Variants in DTNA observed in about 807,000 individuals in gnomAD.
DTNA encodes dystrobrevin alpha, also known as dystrophin-related protein 3.
DTNA carries 43 observed loss-of-function variants against 100.7 expected under a neutral mutation model. The ratio of observed to expected loss-of-function variants is 0.43; its 90% CI spans 0.33 to 0.55. The LOEUF is 0.55. DTNA is among the 20% of genes least tolerant of loss of function. DTNA has a pLI of 0.04. For missense variants in DTNA, 798 were observed against 953.9 expected, an observed-to-expected ratio of 0.84 and a Z score of 2.15; for synonymous variants, 349 against 347.9, an observed-to-expected ratio of 1.00 and a Z score of -0.04.
chr18:34,593,103 C>T (rs1204862116), intron 1 of DTNA, among the ~76,000 whole-genome samples: 2 of 152,154 alleles, frequency 1.3e-5, no homozygotes, highest in Non-Finnish European at 1.5e-5. Flanking sequence ...GGCTGATGTT[C>T]AGCTTCCAAG....
At chr18:34,628,281 G>A (rs1056750160) in intron 1 of DTNA, among the ~76,000 whole-genome samples, 3 of 152,204 alleles carry the variant, frequency 2.0e-5, no homozygotes, top group Non-Finnish European at 4.4e-5. Flanking sequence ...ACAGTAAGAA[G>A]TTAGAAGATA....
chr18:34,549,194 G>A (rs569838065), intron 1 of DTNA, among the ~76,000 whole-genome samples: 77 of 151,974 alleles, frequency 5.1e-4, no homozygotes, highest in African/African-American at 1.8e-3. Context: ...TATCTAACTG[G>A]TTTCTGACCC....
intron 13 of DTNA, among the ~76,000 whole-genome samples, chr18:34,844,447 A>G (rs1422309825): frequency 1.3e-5 from 2 of 152,084 alleles, no homozygotes; most frequent in Non-Finnish European, 2.9e-5. Flanking sequence ...TCTTGAGCTC[A>G]CTGACTTCTA....
chr18:34,517,259 C>T (rs1461312054), intron 1 of DTNA, among the ~76,000 whole-genome samples: 1 of 152,088 alleles, frequency 6.6e-6, no homozygotes, highest in African/African-American at 2.4e-5. Context: ...CTCTTAAATG[C>T]CTTCTGTGTT....
intron 1 of DTNA, among the ~76,000 whole-genome samples, chr18:34,570,384 G>A (rs1568676791): frequency 1.3e-5 from 2 of 152,132 alleles, no homozygotes; most frequent in South Asian, 4.1e-4. Context: ...TTATACCTAT[G>A]AGGTAATAAG....
chr18:34,676,805 A>C (rs1175275350), intron 1 of DTNA, among the ~76,000 whole-genome samples: 2 of 152,230 alleles, frequency 1.3e-5, no homozygotes, highest in Non-Finnish European at 2.9e-5. Context: ...CACTGCACTC[A>C]GTATGGGTGA....
chr18:34,871,650 C>G (rs376927476), intron 17 of DTNA, among the ~76,000 whole-genome samples: 1 of 152,324 alleles, frequency 6.6e-6, no homozygotes, highest in African/African-American at 2.4e-5. Flanking sequence ...AAATGAAACT[C>G]AGTGACATCA....
intron 17 of DTNA, chr18:34,865,968 T>A (rs2096697675): frequency 1.2e-6 from 1 of 867,948 alleles, no homozygotes; most frequent in African/African-American, 1.6e-5. Context: ...AGACTTGGAG[T>A]GATAGTCACT....
In DTNA at chr18:34,838,160, G is replaced by C. The variant is rs765457372; in HGVS notation, c.1242G>C (p.Leu414=). The C allele has an allele frequency of 6.2e-7, 1 of 1,613,720 alleles. No individual in the cohort carries two copies. The highest frequency in any genetic ancestry group is 8.5e-7 in the Non-Finnish European group (1 of 1,179,822). The change falls in exon 12 of 23, where the codon CTG becomes CTC. Residue 414 remains leucine, a synonymous_variant. Coordinates refer to ENST00000444659, the MANE Select transcript of DTNA (RefSeq NM_001386795.1). ...TGGCTAGGGCTGCTCCAGCTTTTCT[G>C]AAGGGCAAAGGGTAAGTTACAGCCA... ...KLLARAAPAF[L]KGKGIQYSLN... is the part of the protein sequence containing the mutation.
intron 22 of DTNA, among the ~76,000 whole-genome samples, chr18:34,887,482 AT>A (rs1474260063): frequency 2.6e-5 from 4 of 152,130 alleles, no homozygotes; most frequent in African/African-American, 9.7e-5. Flanking sequence ...CAGCACAAAT[AT>A]TTCTGTTTGT....
chr18:34,617,831 C>G (rs1466244254), intron 1 of DTNA, among the ~76,000 whole-genome samples: 1 of 152,106 alleles, frequency 6.6e-6, no homozygotes, highest in East Asian at 1.9e-4. Flanking sequence ...GTAAACATAA[C>G]TTTTGTGTGC....
At chr18:34,597,785 G>T (rs1357474910) in intron 1 of DTNA, among the ~76,000 whole-genome samples, 3 of 87,634 alleles carry the variant, frequency 3.4e-5, no homozygotes, top group Admixed American at 1.4e-4. Context: ...CGCCCCCCCA[G>T]AATGCCTATT....
At chr18:34,820,960 G>T (rs2095700324) in intron 9 of DTNA, 45 bp downstream of exon 9, 2 of 1,613,642 alleles carry the variant, frequency 1.2e-6, no homozygotes, top group East Asian at 2.2e-5. Flanking sequence ...TTTCTTCAAG[G>T]GCACATGTCT....
intron 1 of DTNA, among the ~76,000 whole-genome samples, chr18:34,694,606 A>G (rs2080249120): frequency 6.6e-6 from 1 of 152,192 alleles, no homozygotes; most frequent in Non-Finnish European, 1.5e-5. Context: ...GTCTGTGTAT[A>G]ATATGCCTTC....
In DTNA at chr18:34,851,935, C is replaced by T. The variant is rs546081936; in HGVS notation, c.1532+7C>T. On this transcript the variant is annotated splice_region_variant and intron_variant, in intron 15 of 22. Transcript: ENST00000444659. ...AGCTAGAAAACAAGAACAGGTGAGA[C>T]TTTGTAGACGTGCTGGCTTGTTTGA... The T allele has an allele frequency of 5.0e-6, 8 of 1,613,450 alleles. No homozygotes were observed. In the South Asian group the frequency reaches 8.8e-5, roughly 18 times the overall value.
chr18:34,879,706 A>C lies in DTNA; in HGVS notation c.2149A>C (p.Met717Leu). ...TCACAGTGGAGCTACCACAAGTACCATGCGTGGCGACATGTGAGTATCTTC... is the reference window on the plus strand; with the variant it reads ...TCACAGTGGAGCTACCACAAGTACCCTGCGTGGCGACATGTGAGTATCTTC... Reference protein sequence around the residue: ...YIHSGATTSTMRGDMVTEDAD... With the variant: ...YIHSGATTSTLRGDMVTEDAD... The change falls in exon 20 of 23, where the codon ATG (methionine) becomes CTG (leucine). Residue 717 changes from methionine (M) to leucine (L), a missense_variant. Physicochemically the swap from Met to Leu is conservative, Grantham distance 15 (BLOSUM62 2). Coordinates refer to ENST00000444659, the MANE Select transcript of DTNA (RefSeq NM_001386795.1). The C allele has an allele frequency of 1.2e-6, 2 of 1,614,130 alleles. No individual in the cohort carries two copies. The highest frequency in any genetic ancestry group is 1.7e-6 in the Non-Finnish European group (2 of 1,179,994).
chr18:34,811,319 C>T (rs2095480975), intron 5 of DTNA, among the ~76,000 whole-genome samples: 1 of 152,172 alleles, frequency 6.6e-6, no homozygotes, highest in South Asian at 2.1e-4. Flanking sequence ...ATCCACAAGA[C>T]CAGGCTTCCT....
chr18:34,832,756 G>A (rs543220670), intron 11 of DTNA, among the ~76,000 whole-genome samples: 1 of 152,142 alleles, frequency 6.6e-6, no homozygotes, highest in South Asian at 2.1e-4. Flanking sequence ...TATTTCAGAT[G>A]TAAGCTATTG....
chr18:34,635,962 T>G (rs190440389), intron 1 of DTNA, among the ~76,000 whole-genome samples: 1 of 151,996 alleles, frequency 6.6e-6, no homozygotes, highest in South Asian at 2.1e-4. Context: ...AGTTTGTCTG[T>G]CAGTCTTCTT....
Sources: gnomAD v4.1 joint callset for allele counts (sites outside exome capture counted in the v4.1 genomes callset) on GRCh38, gnomAD v4.1.1 for gene constraint, MANE v1.5 for transcripts, NCBI Gene and HGNC (gene_info 2026-07-23, HGNC 2026-07-21) for gene names.